The following SOS1 variants were observed in gnomAD, a reference collection of about 807,000 sequenced individuals.
The protein encoded by SOS1 is son of sevenless homolog 1.
SOS1 carries 25 observed loss-of-function variants against 157.6 expected under a neutral mutation model. That is an observed-to-expected ratio of 0.16 (90% CI 0.12 to 0.22). SOS1 has a LOEUF of 0.22. SOS1 is among the 10% of genes least tolerant of loss of function. SOS1 has a pLI of 1.00. For missense variants in SOS1, 1,237 were observed against 1,599.1 expected, an observed-to-expected ratio of 0.77 and a Z score of 3.86; for synonymous variants, 528 against 534.0, an observed-to-expected ratio of 0.99 and a Z score of 0.16.
intron 12 of SOS1, 34 bp from the exon 13 acceptor site, chr2:39,013,597 A>G (rs1572822519): frequency 7.7e-7 from 1 of 1,304,658 alleles, no homozygotes. Flanking sequence ...ATTACATGGG[A>G]ATCAAACATA....
At chr2:39,083,088 G>C (rs1022530778) in intron 1 of SOS1, among the ~76,000 whole-genome samples, 7 of 152,100 alleles carry the variant, frequency 4.6e-5, no homozygotes, top group African/African-American at 1.7e-4. Flanking sequence ...TCTAGCTGCT[G>C]GACTTGCAGA....
chr2:39,057,533 T>A (rs548489529), intron 3 of SOS1, among the ~76,000 whole-genome samples: 24 of 152,044 alleles, frequency 1.6e-4, no homozygotes, highest in Non-Finnish European at 3.5e-4. Context: ...AAAAACAACT[T>A]TGAAATAAGA....
intron 20 of SOS1, among the ~76,000 whole-genome samples, chr2:38,990,786 G>C (rs1477599571): frequency 6.6e-6 from 1 of 152,144 alleles, no homozygotes; most frequent in Non-Finnish European, 1.5e-5. Context: ...CACAGGCTTA[G>C]ACTCATGCAT....
At chr2:39,099,880 G>A (rs922229781) in intron 1 of SOS1, among the ~76,000 whole-genome samples, 1 of 151,780 alleles carries the variant, frequency 6.6e-6, no homozygotes, top group Non-Finnish European at 1.5e-5. Flanking sequence ...CCGGGATTAC[G>A]GGCCCTGCTA....
At chr2:39,088,435 T>C (rs143718892) in intron 1 of SOS1, among the ~76,000 whole-genome samples, 1,976 of 151,728 alleles carry the variant, frequency 0.013, 86 homozygotes, top group Admixed American at 0.087. Context: ...CCAGAACTTT[T>C]TCATCATCTT....
intron 6 of SOS1, 122 bp downstream of exon 6, chr2:39,051,022 T>C: frequency 1.1e-6 from 1 of 900,984 alleles, no homozygotes. Flanking sequence ...AAAGGAGCAA[T>C]AACAGATAAA....
At chr2:39,085,482 GTGATC>G (rs1572881392) in intron 1 of SOS1, among the ~76,000 whole-genome samples, 1 of 152,222 alleles carries the variant, frequency 6.6e-6, no homozygotes, top group Non-Finnish European at 1.5e-5. Flanking sequence ...GATAGCAACT[GTGATC>G]CAAGTGTCTT....
intron 6 of SOS1, among the ~76,000 whole-genome samples, chr2:39,047,988 A>T (rs1670850315): frequency 6.6e-6 from 1 of 152,180 alleles, no homozygotes; most frequent in South Asian, 2.1e-4. Flanking sequence ...AATATACCCC[A>T]GATATGAGTC....
intron 6 of SOS1, among the ~76,000 whole-genome samples, chr2:39,040,220 T>A (rs1354102905): frequency 6.6e-6 from 1 of 151,950 alleles, no homozygotes; most frequent in African/African-American, 2.4e-5. Context: ...CGTTTCACCG[T>A]GTTAGCCAGG....
intron 13 of SOS1, among the ~76,000 whole-genome samples, chr2:39,012,981 C>T (rs1451312041): frequency 1.3e-5 from 2 of 152,076 alleles, no homozygotes; most frequent in Non-Finnish European, 2.9e-5. Flanking sequence ...ATCGACAAAC[C>T]TAGCTCCTTA....
intron 1 of SOS1, among the ~76,000 whole-genome samples, chr2:39,109,407 T>G (rs987520027): frequency 6.6e-6 from 1 of 152,110 alleles, no homozygotes; most frequent in Non-Finnish European, 1.5e-5. Context: ...ACCCTTTTTT[T>G]CCAAATGAAA....
intron 1 of SOS1, among the ~76,000 whole-genome samples, chr2:39,108,425 A>G (rs1673286434): frequency 1.3e-5 from 2 of 151,980 alleles, no homozygotes; most frequent in Middle Eastern, 6.8e-3. Context: ...TCTGGCCCCC[A>G]CTCCAGACTT....
intron 20 of SOS1, among the ~76,000 whole-genome samples, chr2:38,991,082 C>T (rs932291999): frequency 6.6e-6 from 1 of 151,982 alleles, no homozygotes; most frequent in Non-Finnish European, 1.5e-5. Context: ...GTACCAATGC[C>T]AGTCTAGTGT....
chr2:39,003,395 A>C (rs573343977), intron 17 of SOS1, among the ~76,000 whole-genome samples: 1 of 152,184 alleles, frequency 6.6e-6, no homozygotes, highest in Admixed American at 6.5e-5. Context: ...ATCCCCGCTA[A>C]AACTGAGTTT....
intron 20 of SOS1, chr2:38,993,753 C>G (rs946892399): frequency 3.9e-5 from 6 of 152,104 alleles, no homozygotes; most frequent in African/African-American, 1.4e-4. Context: ...GCTTCTCAAC[C>G]TCCTCCCCCA....
At chr2:39,064,226 G>C (rs1461025622) in intron 2 of SOS1, among the ~76,000 whole-genome samples, 1 of 152,098 alleles carries the variant, frequency 6.6e-6, no homozygotes, top group Non-Finnish European at 1.5e-5. Flanking sequence ...ATACACTGTG[G>C]AATAGTTAAA....
In SOS1 at chr2:39,020,140, G is replaced by A. The variant is rs1379825494; in HGVS notation, c.1858+2430C>T. On this transcript the variant is annotated intron_variant, in intron 10 of 22. Coordinates refer to ENST00000402219, the MANE Select transcript of SOS1 (RefSeq NM_005633.4). ...GAATTAACTCGTAATAGAACTTCTG[G>A]GAAATCATATAATCTTCAGGGGCCT... is the stretch of plus-strand genomic sequence containing the variant. Among the ~76,000 whole-genome samples, 3 of 151,392 alleles carry A rather than the reference G, an allele frequency of 2.0e-5. No homozygotes were observed. In the East Asian group the frequency reaches 5.8e-4, roughly 29 times the overall value.
rs187334173 is a variant in SOS1 at position 39,047,458 on chromosome 2, T to C, written c.864+3686A>G. On this transcript the variant is annotated intron_variant, in intron 6 of 22. Transcript: ENST00000402219. ...ACCAAACGGTTTTCCAAAGTGGCTGTACCAAATTACACCCTAGCCCCCACC... is the reference window on the plus strand; with the variant it reads ...ACCAAACGGTTTTCCAAAGTGGCTGCACCAAATTACACCCTAGCCCCCACC... Among the ~76,000 whole-genome samples the C allele has an allele frequency of 4.7e-3, 714 of 152,328 alleles. 7 individuals are homozygous for C. Among genetic ancestry groups the C allele is most frequent in the African/African-American group, 0.016 (683 of 41,558 alleles).
chr2:39,062,184 G>C (rs1030389487), intron 2 of SOS1, among the ~76,000 whole-genome samples: 12 of 151,934 alleles, frequency 7.9e-5, no homozygotes, highest in African/African-American at 2.9e-4. Flanking sequence ...TTGGGAGGCG[G>C]AGGTGGGCGG....
Sources: gnomAD v4.1 joint callset for allele counts (sites outside exome capture counted in the v4.1 genomes callset) on GRCh38, gnomAD v4.1.1 for gene constraint, MANE v1.5 for transcripts, NCBI Gene and HGNC (gene_info 2026-07-23, HGNC 2026-07-21) for gene names.